The following LSAMP variants were observed in gnomAD, a reference collection of about 807,000 sequenced individuals.
LSAMP encodes limbic system-associated membrane protein.
LSAMP carries 7 observed loss-of-function variants against 38.6 expected under a neutral mutation model. That is an observed-to-expected ratio of 0.18 (90% CI 0.10 to 0.34). The LOEUF is 0.34. Among genes scored for constraint, LSAMP ranks in the 10% least tolerant of loss-of-function variants. The pLI is 1.00. For missense variants in LSAMP, 313 were observed against 420.0 expected, an observed-to-expected ratio of 0.75 and a Z score of 2.23; for synonymous variants, 154 against 166.8, an observed-to-expected ratio of 0.92 and a Z score of 0.59.
chr3:115,938,577 C>A (rs1017753810), intron 3 of LSAMP, among the ~76,000 whole-genome samples: 1 of 152,232 alleles, frequency 6.6e-6, no homozygotes, highest in East Asian at 1.9e-4. Flanking sequence ...CAATCCACTC[C>A]GTCTTTGGTA....
chr3:116,391,333 C>T (rs934981903), intron 1 of LSAMP, among the ~76,000 whole-genome samples: 1 of 151,876 alleles, frequency 6.6e-6, no homozygotes, highest in Non-Finnish European at 1.5e-5. Context: ...CCGCTGACTG[C>T]GCTGTCCCAC....
chr3:116,005,208 G>C (rs1240868328), intron 3 of LSAMP, among the ~76,000 whole-genome samples: 4 of 152,146 alleles, frequency 2.6e-5, no homozygotes, highest in Non-Finnish European at 5.9e-5. Context: ...CCCTGTCTTA[G>C]TGTTTCCATG....
chr3:115,879,860 T>G (rs921705290), intron 3 of LSAMP, among the ~76,000 whole-genome samples: 3 of 152,120 alleles, frequency 2.0e-5, no homozygotes, highest in Non-Finnish European at 4.4e-5. Context: ...TATTAAAAAT[T>G]TTTATGGTAA....
At chr3:116,365,682 C>A (rs2048341026) in intron 1 of LSAMP, among the ~76,000 whole-genome samples, 1 of 76,130 alleles carries the variant, frequency 1.3e-5, no homozygotes. Flanking sequence ...ACTATGCAGC[C>A]ATAAAAAATG....
At chr3:115,859,156 G>T (rs1352436019) in intron 3 of LSAMP, among the ~76,000 whole-genome samples, 1 of 152,142 alleles carries the variant, frequency 6.6e-6, no homozygotes, top group Non-Finnish European at 1.5e-5. Context: ...AGACCCCTTA[G>T]TGTTTGACAA....
chr3:116,054,420 T>C (rs1941452935), intron 2 of LSAMP, among the ~76,000 whole-genome samples: 2 of 152,154 alleles, frequency 1.3e-5, no homozygotes, highest in East Asian at 3.9e-4. Context: ...GTGGGGGCAT[T>C]ATTCTGCCTA....
At chr3:116,375,974 A>G (rs1396341346) in intron 1 of LSAMP, among the ~76,000 whole-genome samples, 1 of 152,020 alleles carries the variant, frequency 6.6e-6, no homozygotes, top group Non-Finnish European at 1.5e-5. Flanking sequence ...TACTCTGTAT[A>G]TAATTAACTT....
At chr3:116,010,772 G>A (rs1940301545) in intron 3 of LSAMP, among the ~76,000 whole-genome samples, 1 of 152,104 alleles carries the variant, frequency 6.6e-6, no homozygotes, top group South Asian at 2.1e-4. Context: ...ACTATTAGTT[G>A]GATAGGCTTA....
intron 6 of LSAMP, among the ~76,000 whole-genome samples, chr3:115,812,166 C>T (rs373014677): frequency 1.3e-5 from 2 of 152,018 alleles, no homozygotes; most frequent in Non-Finnish European, 2.9e-5. Context: ...AAAAACATCA[C>T]CCAATATAAA....
At chr3:116,068,893 T>C (rs575076757) in intron 2 of LSAMP, among the ~76,000 whole-genome samples, 4 of 152,238 alleles carry the variant, frequency 2.6e-5, no homozygotes, top group Non-Finnish European at 5.9e-5. Context: ...ACAGCTATGT[T>C]ATAAAGTGGA....
chr3:116,219,928 A>C (rs973220481), intron 1 of LSAMP, among the ~76,000 whole-genome samples: 1 of 152,170 alleles, frequency 6.6e-6, no homozygotes, highest in Non-Finnish European at 1.5e-5. Context: ...TAATCCCAGC[A>C]CTTTGAGAGG....
At chr3:115,960,610 C>T (rs984863287) in intron 3 of LSAMP, among the ~76,000 whole-genome samples, 3 of 152,146 alleles carry the variant, frequency 2.0e-5, no homozygotes, top group African/African-American at 7.2e-5. Flanking sequence ...TGCTCCCCAC[C>T]ACTGCTATCC....
chr3:116,400,032 A>T (rs1480911422), intron 1 of LSAMP, among the ~76,000 whole-genome samples: 1 of 152,218 alleles, frequency 6.6e-6, no homozygotes, highest in Non-Finnish European at 1.5e-5. Flanking sequence ...TCTATGCTTC[A>T]TTCCATCTGA....
intron 1 of LSAMP, among the ~76,000 whole-genome samples, chr3:116,191,875 C>T (rs561264990): frequency 1.5e-3 from 234 of 152,114 alleles, no homozygotes; most frequent in African/African-American, 5.2e-3. Context: ...CATATCCAAG[C>T]ATCAGATTTA....
chr3:115,937,964 T>C (rs577706190), intron 3 of LSAMP, among the ~76,000 whole-genome samples: 2 of 152,314 alleles, frequency 1.3e-5, no homozygotes, highest in East Asian at 1.9e-4. Context: ...TTGAAATATA[T>C]GTGTGGAAGA....
intron 1 of LSAMP, among the ~76,000 whole-genome samples, chr3:116,114,597 TAAG>T (rs1559748484): frequency 2.0e-5 from 3 of 152,178 alleles, no homozygotes; most frequent in East Asian, 1.9e-4. Flanking sequence ...ACCAGACACT[TAAG>T]AAAGCAGTAG....
chr3:116,234,673 T>C (rs985391251), intron 1 of LSAMP, among the ~76,000 whole-genome samples: 59 of 152,228 alleles, frequency 3.9e-4, no homozygotes, highest in African/African-American at 1.4e-3. Context: ...AAACAAGCCC[T>C]CTAAAAAATG....
At chr3:115,873,661 C>T (rs748392044) in intron 3 of LSAMP, among the ~76,000 whole-genome samples, 7 of 152,074 alleles carry the variant, frequency 4.6e-5, no homozygotes, top group Admixed American at 1.3e-4. Context: ...CATACCTTGC[C>T]GCTAACTTTT....
At chr3:116,128,879 A>G (rs1373414118) in intron 1 of LSAMP, among the ~76,000 whole-genome samples, 1 of 152,216 alleles carries the variant, frequency 6.6e-6, no homozygotes, top group Non-Finnish European at 1.5e-5. Context: ...ACAATGTGTC[A>G]CTAATATTTT....
Sources: allele counts gnomAD v4.1 joint callset (sites outside exome capture counted in the v4.1 genomes callset), GRCh38; gene constraint gnomAD v4.1.1; transcripts MANE v1.5; gene names NCBI Gene and HGNC (gene_info 2026-07-23, HGNC 2026-07-21).